Variants in FLOT2 observed in about 807,000 individuals in gnomAD.
FLOT2 encodes flotillin-2.
FLOT2 carries 35 observed loss-of-function variants against 54.9 expected under a neutral mutation model. The ratio of observed to expected loss-of-function variants is 0.64; its 90% CI spans 0.49 to 0.84. The LOEUF (loss-of-function observed/expected upper bound fraction) is 0.84, where lower values mean the gene tolerates loss of function less well. FLOT2 is among the 40% of genes least tolerant of loss of function. The probability of loss-of-function intolerance (pLI) is 0.00; values close to 1 mark genes in which losing one functional copy is unlikely to be tolerated. For missense variants in FLOT2, 464 were observed against 572.1 expected, an observed-to-expected ratio of 0.81 and a Z score of 1.93; for synonymous variants, 207 against 228.9, an observed-to-expected ratio of 0.90 and a Z score of 0.86.
intron 1 of FLOT2, among the ~76,000 whole-genome samples, chr17:28,890,168 C>G (rs1179503736): frequency 1.3e-5 from 2 of 152,138 alleles, no homozygotes; most frequent in African/African-American, 4.8e-5. Flanking sequence ...CTTTGTTCCT[C>G]TCATGGGAAC....
chr17:28,885,162 T>C (rs1481057358), intron 2 of FLOT2, among the ~76,000 whole-genome samples: 1 of 152,178 alleles, frequency 6.6e-6, no homozygotes, highest in Admixed American at 6.5e-5. Flanking sequence ...CCCTACCCCT[T>C]CCACACAAGG....
At chr17:28,886,286 C>A (rs968830602) in intron 2 of FLOT2, among the ~76,000 whole-genome samples, 1 of 152,256 alleles carries the variant, frequency 6.6e-6, no homozygotes, top group African/African-American at 2.4e-5. Context: ...TGCCCGCCAC[C>A]TCACTTTCCC....
chr17:28,887,860 C>G (rs923084462), intron 2 of FLOT2, among the ~76,000 whole-genome samples: 5 of 152,154 alleles, frequency 3.3e-5, no homozygotes, highest in African/African-American at 1.2e-4. Flanking sequence ...CACCTCTGGT[C>G]GGGTAAAGTG....
intron 1 of FLOT2, among the ~76,000 whole-genome samples, chr17:28,894,196 C>T (rs2039701772): frequency 2.0e-5 from 3 of 152,212 alleles, no homozygotes; most frequent in Non-Finnish European, 4.4e-5. Context: ...GTCAAGAAGT[C>T]CATATCCTGG....
At chr17:28,886,501 A>G (rs2039549284) in intron 2 of FLOT2, among the ~76,000 whole-genome samples, 1 of 152,218 alleles carries the variant, frequency 6.6e-6, no homozygotes, top group Non-Finnish European at 1.5e-5. Flanking sequence ...GGGCCAAGGA[A>G]GGCTGGGGGA....
At chr17:28,889,081 T>G (rs2039600616) in intron 1 of FLOT2, 55 bp from the exon 2 acceptor site, 3 of 1,472,008 alleles carry the variant, frequency 2.0e-6, no homozygotes, top group Admixed American at 3.4e-5. Context: ...CTGTCTACCC[T>G]CCAGCCCACT....
At chr17:28,893,550 CCTGT>C (rs2039689312) in intron 1 of FLOT2, among the ~76,000 whole-genome samples, 1 of 152,184 alleles carries the variant, frequency 6.6e-6, no homozygotes, top group East Asian at 1.9e-4. Flanking sequence ...CATCGCAATG[CCTGT>C]CTAATTAAAA....
At chr17:28,880,902 A>C (rs1254852763) in intron 9 of FLOT2, 40 bp from the exon 10 acceptor site, 1 of 1,611,072 alleles carries the variant, frequency 6.2e-7, no homozygotes, top group Admixed American at 1.7e-5. Flanking sequence ...GTTGGCGCTG[A>C]CTCTGTTCTC....
chr17:28,894,664 T>C (rs1170912759), intron 1 of FLOT2, among the ~76,000 whole-genome samples: 1 of 120,450 alleles, frequency 8.3e-6, no homozygotes, highest in Non-Finnish European at 1.7e-5. Context: ...TGTGGTGGCG[T>C]CCACTTATAG....
At chr17:28,890,850 T>C (rs2039637601) in intron 1 of FLOT2, among the ~76,000 whole-genome samples, 1 of 134,804 alleles carries the variant, frequency 7.4e-6, no homozygotes, top group South Asian at 2.7e-4. Context: ...CCAGAGAGTG[T>C]TATCATTTCT....
At chr17:28,895,005 G>A (rs1466610355) in intron 1 of FLOT2, among the ~76,000 whole-genome samples, 1 of 151,136 alleles carries the variant, frequency 6.6e-6, no homozygotes, top group Admixed American at 6.6e-5. Flanking sequence ...TCTGCCTCCT[G>A]GGCTCAAGCG....
In FLOT2 at chr17:28,882,313, CT is replaced by C; in HGVS notation, c.579+23del. The stretch of plus-strand genomic sequence containing the variant: ...TCATCATGGTCCCATCACCCCTGAG[CT>C]TCCCATCCTTGAACCCACATACCCG... On this transcript the variant is annotated intron_variant, in intron 6 of 10. Coordinates refer to ENST00000394908, the MANE Select transcript of FLOT2 (RefSeq NM_004475.3). The surrounding 1 kb of genome is among the most constrained non-coding windows in gnomAD (Gnocchi z 5.6). 1.2e-6 allele frequency: 2 copies of C among 1,613,848 alleles called. No homozygotes were observed. The highest frequency in any genetic ancestry group is 1.7e-6 in the Non-Finnish European group (2 of 1,179,892).
intron 1 of FLOT2, among the ~76,000 whole-genome samples, chr17:28,893,672 AAGAC>A (rs1222038830): frequency 6.6e-6 from 1 of 152,194 alleles, no homozygotes; most frequent in Non-Finnish European, 1.5e-5. Flanking sequence ...AGTGAAATCA[AAGAC>A]AGGCAGCCCA....
intron 1 of FLOT2, among the ~76,000 whole-genome samples, chr17:28,889,335 T>C (rs2039605144): frequency 7.0e-6 from 1 of 142,694 alleles, no homozygotes; most frequent in South Asian, 2.2e-4. Context: ...CTGAAAAAGC[T>C]TTTTTTTTTT....
In FLOT2 at chr17:28,880,703, A is replaced by AGGCAC. The variant is rs764712313; in HGVS notation, c.1248+5_1248+9dup. Reference sequence around the variant, plus strand: ...CTGGGCAACCCCACCGCAGCTAGGCAGGCACATACCTTAGACAGGTCCACG... The same window carrying AGGCAC: ...CTGGGCAACCCCACCGCAGCTAGGCAGGCACGGCACATACCTTAGACAGGTCCACG... On this transcript the variant is annotated intron_variant, in intron 10 of 10. Transcript: ENST00000394908. The AGGCAC allele has an allele frequency of 6.2e-7, 1 of 1,614,196 alleles. No homozygotes were observed.
At chr17:28,889,105 G>T in intron 1 of FLOT2, 79 bp from the exon 2 acceptor site, 1 of 1,166,228 alleles carries the variant, frequency 8.6e-7, no homozygotes, top group Non-Finnish European at 1.3e-6. Flanking sequence ...AGCAACTTTT[G>T]TCCTTTACCT....
chr17:28,883,094 GA>G lies in FLOT2; in HGVS notation c.346+13del. 6.2e-7 allele frequency: 1 copy of G among 1,613,902 alleles called. No individual in the cohort carries two copies. Among genetic ancestry groups the G allele is most frequent in the East Asian group, 2.2e-5 (1 of 44,870 alleles). ...GGCCCCGTGAGGCTCCTCAAAGGCT[GA>G]ACAGGGCCTCACCGAGGATGGAGCG... On this transcript the variant is annotated intron_variant, in intron 4 of 10. Coordinates refer to ENST00000394908, the MANE Select transcript of FLOT2 (RefSeq NM_004475.3). The surrounding 1 kb of genome is among the most constrained non-coding windows in gnomAD (Gnocchi z 5.0).
At position 28,889,022 on chromosome 17, in the gene FLOT2, G is replaced by A. The variant is rs2039599284; in HGVS notation, c.54C>T (p.Gly18=). ...GPNEALVVSG[G]CCGSDYKQYV... is the part of the protein sequence containing the mutation. ...ACTGTTTATAGTCGGAACCACAACA[G>A]CCCCCTGGGGAGCAAAGCAAACCAC... is the stretch of plus-strand genomic sequence containing the variant. The change falls in exon 2 of 11, where the codon GGC becomes GGT. Residue 18 remains glycine (G), a synonymous_variant. Coordinates refer to ENST00000394908, the MANE Select transcript of FLOT2 (RefSeq NM_004475.3). The A allele has an allele frequency of 1.2e-6, 2 of 1,613,986 alleles. No individual in the cohort carries two copies. Among genetic ancestry groups the A allele is most frequent in the Admixed American group, 1.7e-5 (1 of 60,020 alleles).
Position 28,897,130 on chromosome 17 carries a change from G to A in FLOT2, c.49+396C>T, listed in dbSNP as rs2039755539. Among the ~76,000 whole-genome samples, 1 of 152,140 alleles carries A rather than the reference G, an allele frequency of 6.6e-6. No homozygotes were observed. The highest frequency in any genetic ancestry group is 2.1e-4 in the South Asian group (1 of 4,826). On this transcript the variant is annotated intron_variant, in intron 1 of 10. Coordinates refer to ENST00000394908, the MANE Select transcript of FLOT2 (RefSeq NM_004475.3). This position sits in a 1 kb window ranked among gnomAD's most constrained non-coding sequence, Gnocchi z 4.4. ...ACAGGCACCTGCCCTCCAGGGCTGC[G>A]CGACCCGCCCCCCATCCCGGGCGCT...
Sources: allele counts gnomAD v4.1 joint callset (sites outside exome capture counted in the v4.1 genomes callset), GRCh38; gene constraint gnomAD v4.1.1; non-coding constraint Gnocchi (gnomAD v3.1); transcripts MANE v1.5; gene names NCBI Gene and HGNC (gene_info 2026-07-23, HGNC 2026-07-21).